The following SLCO3A1 variants were observed in gnomAD, a reference collection of about 807,000 sequenced individuals.
SLCO3A1 encodes the protein solute carrier organic anion transporter family member 3A1, also known as PGE1 transporter.
In SLCO3A1, 27 loss-of-function variants were observed where a neutral mutation model predicts 63.1. The observed-to-expected ratio is 0.43, with a 90% confidence interval of 0.32 to 0.59. SLCO3A1 has a LOEUF of 0.59. SLCO3A1 is among the 20% of genes least tolerant of loss of function. The pLI is 0.09. For synonymous variants in SLCO3A1, 473 were observed against 409.9 expected, an observed-to-expected ratio of 1.15 and a Z score of -1.86; for missense variants, 773 against 945.8, an observed-to-expected ratio of 0.82 and a Z score of 2.40.
chr15:92,100,931 A>G (rs1415425818), intron 3 of SLCO3A1, among the ~76,000 whole-genome samples: 1 of 152,212 alleles, frequency 6.6e-6, no homozygotes, highest in Non-Finnish European at 1.5e-5. Flanking sequence ...ACTTCCACAC[A>G]GAAGTGATAT....
chr15:91,868,141 T>G (rs553988353), intron 1 of SLCO3A1, among the ~76,000 whole-genome samples: 2 of 151,756 alleles, frequency 1.3e-5, no homozygotes, highest in South Asian at 4.2e-4. Context: ...AACCTCTGCC[T>G]CCTGGGTTCA....
At chr15:92,125,666 T>C (rs952918267) in intron 5 of SLCO3A1, among the ~76,000 whole-genome samples, 27 of 151,736 alleles carry the variant, frequency 1.8e-4, no homozygotes, top group African/African-American at 6.0e-4. Flanking sequence ...GCTTCCCACA[T>C]CTCATCTCAA....
intron 1 of SLCO3A1, among the ~76,000 whole-genome samples, chr15:91,877,132 G>A (rs138942021): frequency 1.3e-5 from 2 of 152,170 alleles, no homozygotes; most frequent in African/African-American, 2.4e-5. Flanking sequence ...TTATTGATCT[G>A]AGGCATTAAA....
intron 9 of SLCO3A1, among the ~76,000 whole-genome samples, chr15:92,156,967 T>G (rs2283455): frequency 0.065 from 9,850 of 152,216 alleles, 799 homozygotes; most frequent in East Asian, 0.29. Context: ...AAATAGCCAA[T>G]ATATAAGGCC....
At chr15:92,038,844 C>G (rs544840390) in intron 2 of SLCO3A1, among the ~76,000 whole-genome samples, 256 of 152,296 alleles carry the variant, frequency 1.7e-3, no homozygotes, top group Non-Finnish European at 2.2e-3. Context: ...TACTACCAGT[C>G]TTCAAACTAT....
In SLCO3A1 at chr15:91,872,060, G is replaced by T. The variant is rs1452551562; in HGVS notation, c.180+17972G>T. 1.3e-5 allele frequency among the ~76,000 whole-genome samples: 2 copies of T among 152,064 alleles called. No individual in the cohort carries two copies. The highest frequency in any genetic ancestry group is 2.9e-5 in the Non-Finnish European group (2 of 68,004). On this transcript the variant is annotated intron_variant, in intron 1 of 9. Coordinates refer to ENST00000318445, the MANE Select transcript of SLCO3A1 (RefSeq NM_013272.4). This position sits in a 1 kb window ranked among gnomAD's most constrained non-coding sequence, Gnocchi z 4.1. ...AATGGGATGATGAGTTCAAGGGATT[G>T]GTCACAAAAGATGTGGGGAGTCAAA...
At chr15:92,096,356 G>A (rs913570845) in intron 3 of SLCO3A1, among the ~76,000 whole-genome samples, 1 of 152,204 alleles carries the variant, frequency 6.6e-6, no homozygotes, top group African/African-American at 2.4e-5. Context: ...TTTGTTAGAA[G>A]CTAGTCACTT....
chr15:92,151,135 T>A (rs1297871341), intron 9 of SLCO3A1, 121 bp downstream of exon 9: 8 of 727,596 alleles, frequency 1.1e-5, no homozygotes, highest in Non-Finnish European at 1.8e-5. Flanking sequence ...GTTTAATTAT[T>A]AGTAAATAAG....
intron 2 of SLCO3A1, among the ~76,000 whole-genome samples, chr15:91,974,483 T>C (rs1189478234): frequency 1.3e-5 from 2 of 152,000 alleles, no homozygotes; most frequent in East Asian, 1.9e-4. Flanking sequence ...TGAAGGTTTC[T>C]GGGTGAGTCA....
chr15:92,104,957 G>C (rs1210203779), intron 4 of SLCO3A1, among the ~76,000 whole-genome samples: 1 of 151,126 alleles, frequency 6.6e-6, no homozygotes, highest in African/African-American at 2.4e-5. Context: ...GCCACCTCCA[G>C]CCGGGCGCGG....
At chr15:91,965,557 G>T (rs748885135) in intron 2 of SLCO3A1, among the ~76,000 whole-genome samples, 42 of 152,070 alleles carry the variant, frequency 2.8e-4, no homozygotes, top group Non-Finnish European at 4.9e-4. Context: ...CTTCCCTTTT[G>T]TTTTTCTATG....
intron 2 of SLCO3A1, among the ~76,000 whole-genome samples, chr15:91,952,143 A>G (rs1900021805): frequency 6.6e-6 from 1 of 152,206 alleles, no homozygotes; most frequent in African/African-American, 2.4e-5. Flanking sequence ...TCATGTGCTT[A>G]TCGGCTATTT....
intron 2 of SLCO3A1, among the ~76,000 whole-genome samples, chr15:92,086,686 A>G (rs1567111931): frequency 6.6e-6 from 1 of 152,110 alleles, no homozygotes. Flanking sequence ...TGTTTTAAGA[A>G]ATCTTTCAGC....
chr15:91,855,357 T>A (rs1330991569), intron 1 of SLCO3A1, among the ~76,000 whole-genome samples: 2 of 152,186 alleles, frequency 1.3e-5, no homozygotes, highest in African/African-American at 2.4e-5. Context: ...GGAAGTTAGG[T>A]GGTTGTGAGA....
intron 1 of SLCO3A1, among the ~76,000 whole-genome samples, chr15:91,870,509 A>T (rs1897258658): frequency 6.6e-6 from 1 of 152,130 alleles, no homozygotes; most frequent in Admixed American, 6.5e-5. Context: ...CTGCTGTGTG[A>T]TGTGTGTCAT....
chr15:91,978,823 T>C (rs894121675), intron 2 of SLCO3A1, among the ~76,000 whole-genome samples: 2 of 152,264 alleles, frequency 1.3e-5, no homozygotes, highest in African/African-American at 4.8e-5. Flanking sequence ...TATCATCTAG[T>C]TCAAGGGTCA....
At chr15:92,148,253 A>C (rs1234669901) in intron 8 of SLCO3A1, among the ~76,000 whole-genome samples, 1 of 152,226 alleles carries the variant, frequency 6.6e-6, no homozygotes, top group African/African-American at 2.4e-5. Context: ...GGATGCAGTT[A>C]TCCAAGTGAA....
At chr15:92,035,342 G>T (rs1353796662) in intron 2 of SLCO3A1, among the ~76,000 whole-genome samples, 1 of 151,700 alleles carries the variant, frequency 6.6e-6, no homozygotes, top group African/African-American at 2.4e-5. Context: ...TTTTTCCTTC[G>T]TCCAAACTGT....
intron 9 of SLCO3A1, among the ~76,000 whole-genome samples, chr15:92,152,830 G>A (rs901856152): frequency 6.6e-5 from 10 of 152,094 alleles, no homozygotes; most frequent in African/African-American, 1.2e-4. Flanking sequence ...CTGCCATTAC[G>A]AGTCCTCTGG....
Sources: allele counts gnomAD v4.1 joint callset (sites outside exome capture counted in the v4.1 genomes callset), GRCh38; gene constraint gnomAD v4.1.1; non-coding constraint Gnocchi (gnomAD v3.1); transcripts MANE v1.5; gene names NCBI Gene and HGNC (gene_info 2026-07-23, HGNC 2026-07-21).